The following LDLRAD4 variants were observed in gnomAD, a reference collection of about 807,000 sequenced individuals.
LDLRAD4 encodes low density lipoprotein receptor class A domain containing 4, also known as low-density lipoprotein receptor class A domain-containing protein 4.
LDLRAD4 carries 5 observed loss-of-function variants against 17.0 expected under a neutral mutation model. The ratio of observed to expected loss-of-function variants is 0.29; its 90% CI spans 0.15 to 0.62. The LOEUF (loss-of-function observed/expected upper bound fraction) is 0.62, where lower values mean the gene tolerates loss of function less well. Among genes scored for constraint, LDLRAD4 ranks in the 20% least tolerant of loss-of-function variants. The pLI is 0.84. For synonymous variants in LDLRAD4, 168 were observed against 171.8 expected (o/e 0.98, Z 0.17); for missense variants, 340 against 424.7 (o/e 0.80, Z 1.75).
intron 1 of LDLRAD4, among the ~76,000 whole-genome samples, chr18:13,310,687 A>G (rs1030407016): frequency 6.6e-6 from 1 of 151,856 alleles, no homozygotes; most frequent in African/African-American, 2.4e-5. Flanking sequence ...TGAGTCACTC[A>G]CTGTTTGCAT....
At chr18:13,387,785 G>A (rs773541995) in intron 2 of LDLRAD4, 23 bp downstream of exon 3, 8 of 1,611,262 alleles carry the variant, frequency 5.0e-6, no homozygotes, top group Middle Eastern at 1.6e-4. Flanking sequence ...CAGGTAATCC[G>A]AGGCTTTGCC....
intron 1 of LDLRAD4, among the ~76,000 whole-genome samples, chr18:13,267,308 G>T (rs147887765): frequency 1.5e-3 from 222 of 152,292 alleles, no homozygotes; most frequent in African/African-American, 5.0e-3. Flanking sequence ...AGTTTCACGC[G>T]TGTGTGTGTC....
chr18:13,487,989 G>C (rs1425060676), intron 3 of LDLRAD4: 2 of 152,536 alleles, frequency 1.3e-5, no homozygotes, highest in African/African-American at 4.8e-5. Flanking sequence ...GTCCAGGTGA[G>C]AGGGATGGGA....
At chr18:13,333,960 C>T (rs2081984603) in intron 1 of LDLRAD4, among the ~76,000 whole-genome samples, 2 of 152,186 alleles carry the variant, frequency 1.3e-5, no homozygotes, top group African/African-American at 2.4e-5. Context: ...ATTTTGATTG[C>T]AATTGCATTG....
intron 1 of LDLRAD4, among the ~76,000 whole-genome samples, chr18:13,345,114 C>G (rs1176599000): frequency 1.3e-5 from 2 of 152,162 alleles, no homozygotes; most frequent in Non-Finnish European, 2.9e-5. Flanking sequence ...ACTTCCAACA[C>G]TATGTTGAAT....
chr18:13,404,654 C>T (rs1027628281), intron 2 of LDLRAD4, among the ~76,000 whole-genome samples: 16 of 151,894 alleles, frequency 1.1e-4, no homozygotes, highest in Non-Finnish European at 2.1e-4. Context: ...AAAAATTAGC[C>T]GGGTGTAGTG....
chr18:13,640,130 CA>C (rs960627226), intron 4 of LDLRAD4, among the ~76,000 whole-genome samples: 3 of 150,990 alleles, frequency 2.0e-5, no homozygotes, highest in South Asian at 2.1e-4. Flanking sequence ...ACTAACAGTA[CA>C]AAAAAAACAA....
intron 3 of LDLRAD4, among the ~76,000 whole-genome samples, chr18:13,468,251 G>T (rs1296222125): frequency 1.3e-5 from 2 of 152,140 alleles, no homozygotes; most frequent in Non-Finnish European, 2.9e-5. Flanking sequence ...TCTGATGAAG[G>T]CTTATTATTC....
At chr18:13,566,448 C>T (rs749007121) in intron 3 of LDLRAD4, among the ~76,000 whole-genome samples, 7 of 151,488 alleles carry the variant, frequency 4.6e-5, no homozygotes, top group Non-Finnish European at 8.8e-5. Context: ...TTGCAACCTC[C>T]ACCTCCTGGG....
At chr18:13,352,377 GT>G (rs981661796) in intron 1 of LDLRAD4, among the ~76,000 whole-genome samples, 1 of 139,444 alleles carries the variant, frequency 7.2e-6, no homozygotes, top group African/African-American at 2.7e-5. Flanking sequence ...CTGACAGGTT[GT>G]TTTTGTTTGT....
intron 3 of LDLRAD4, among the ~76,000 whole-genome samples, chr18:13,510,293 A>T (rs2093757237): frequency 6.6e-6 from 1 of 152,162 alleles, no homozygotes; most frequent in African/African-American, 2.4e-5. Context: ...ATGGGGACCT[A>T]TGATTTTAGC....
At chr18:13,643,464 G>GGGGGGGGGGGGGGGGGGGGGGGGGCCC in intron 5 of LDLRAD4, 52 bp downstream of exon 6, 1 of 288,982 alleles carries the variant, frequency 3.5e-6, no homozygotes, top group Non-Finnish European at 6.5e-6. Flanking sequence ...GGTGGGTGGG[G>GGGGGGGGGGGGGGGGGGGGGGGGGCCC]ATGAAGGGGG....
At chr18:13,233,107 T>A (rs1260865308) in intron 1 of LDLRAD4, among the ~76,000 whole-genome samples, 1 of 152,250 alleles carries the variant, frequency 6.6e-6, no homozygotes, top group East Asian at 1.9e-4. Context: ...GCGTTAGGGA[T>A]GGAGCTTGCC....
chr18:13,592,443 C>T (rs2095041580), intron 3 of LDLRAD4, among the ~76,000 whole-genome samples: 1 of 152,192 alleles, frequency 6.6e-6, no homozygotes, highest in South Asian at 2.1e-4. Flanking sequence ...GTCCAACTTC[C>T]TTCCTGTCTT....
intron 2 of LDLRAD4, among the ~76,000 whole-genome samples, chr18:13,389,382 A>T (rs1294573546): frequency 6.6e-6 from 1 of 151,988 alleles, no homozygotes. Flanking sequence ...CCTCCCCTCC[A>T]GGTGGGGGTG....
chr18:13,598,312 C>T (rs2095119106), intron 3 of LDLRAD4, among the ~76,000 whole-genome samples: 1 of 152,248 alleles, frequency 6.6e-6, no homozygotes. Flanking sequence ...CCTGGGATGG[C>T]AGTGATTTTA....
At chr18:13,404,797 CAA>C (rs751734866) in intron 2 of LDLRAD4, among the ~76,000 whole-genome samples, 5 of 117,442 alleles carry the variant, frequency 4.3e-5, no homozygotes, top group Admixed American at 9.0e-5. Flanking sequence ...AACTCCGTCT[CAA>C]AAAAAAAAAA....
intron 1 of LDLRAD4, among the ~76,000 whole-genome samples, chr18:13,250,330 T>C (rs536748685): frequency 6.6e-5 from 10 of 152,258 alleles, no homozygotes; most frequent in South Asian, 4.1e-4. Flanking sequence ...GCTTTTTTTT[T>C]CCTATTTCTG....
At chr18:13,271,153 T>TG (rs1281679822) in intron 1 of LDLRAD4, among the ~76,000 whole-genome samples, 5 of 152,312 alleles carry the variant, frequency 3.3e-5, no homozygotes, top group Admixed American at 3.3e-4. Flanking sequence ...TCAGAAATGC[T>TG]GGGAAATAGG....
Sources: gnomAD v4.1 joint callset for allele counts (sites outside exome capture counted in the v4.1 genomes callset) on GRCh38, gnomAD v4.1.1 for gene constraint, MANE v1.5 for transcripts, NCBI Gene and HGNC (gene_info 2026-07-23, HGNC 2026-07-21) for gene names.